Variants in GMDS observed in about 807,000 individuals in gnomAD.
The protein encoded by GMDS is GDP-mannose 4,6 dehydratase.
In GMDS, 20 loss-of-function variants were observed where a neutral mutation model predicts 49.9. The ratio of observed to expected loss-of-function variants is 0.40; its 90% CI spans 0.28 to 0.58. The LOEUF is 0.58. Among genes scored for constraint, GMDS ranks in the 20% least tolerant of loss-of-function variants. The probability of loss-of-function intolerance (pLI) is 0.42; values close to 1 mark genes in which losing one functional copy is unlikely to be tolerated. For missense variants in GMDS, 362 were observed against 481.4 expected (o/e 0.75, Z 2.32); for synonymous variants, 177 against 178.6 (o/e 0.99, Z 0.07).
At chr6:2,142,655 T>C in intron 1 of GMDS, among the ~76,000 whole-genome samples, 1 of 152,110 alleles carries the variant, frequency 6.6e-6, no homozygotes, top group East Asian at 1.9e-4. Context: ...AGACAATAAG[T>C]TTCAGTTGCT....
chr6:1,789,614 C>G (rs1468588357), intron 7 of GMDS, among the ~76,000 whole-genome samples: 2 of 150,948 alleles, frequency 1.3e-5, no homozygotes, highest in African/African-American at 4.9e-5. Flanking sequence ...CGGCTCCCTG[C>G]AGTCTCGACC....
chr6:2,134,193 G>T (rs1024483730), intron 1 of GMDS, among the ~76,000 whole-genome samples: 1 of 152,168 alleles, frequency 6.6e-6, no homozygotes, highest in African/African-American at 2.4e-5. Flanking sequence ...AAATAAAGGG[G>T]ATAAAATGAA....
At chr6:2,177,921 G>A (rs959959422) in intron 1 of GMDS, among the ~76,000 whole-genome samples, 2 of 152,168 alleles carry the variant, frequency 1.3e-5, no homozygotes, top group African/African-American at 4.8e-5. Flanking sequence ...TAAAGAAAAC[G>A]TGGTATCTAT....
intron 7 of GMDS, among the ~76,000 whole-genome samples, chr6:1,877,643 T>TCAAA (rs776232284): frequency 9.6e-5 from 5 of 51,828 alleles, no homozygotes; most frequent in East Asian, 4.8e-4. Flanking sequence ...ATCTCAAAAA[T>TCAAA]TAAAAAAAAA....
intron 7 of GMDS, among the ~76,000 whole-genome samples, chr6:1,910,878 C>G (rs1450743290): frequency 6.6e-6 from 1 of 152,186 alleles, no homozygotes; most frequent in African/African-American, 2.4e-5. Context: ...TAAGCATTGA[C>G]TTTTTAAACA....
rs1768918340 is a variant in GMDS at position 1,778,173 on chromosome 6, A to C, written c.772-35587T>G. ...GGATCGAGTTAGACTGGCCTTCTCA[A>C]CACCTCACGAAAAGCGCCCTTGGGT... On this transcript the variant is annotated intron_variant, in intron 7 of 10. Transcript: ENST00000380815. The surrounding 1 kb of genome is among the most constrained non-coding windows in gnomAD (Gnocchi z 4.6). Among the ~76,000 whole-genome samples the C allele has an allele frequency of 6.6e-6, 1 of 152,186 alleles. No homozygotes were observed. The highest frequency in any genetic ancestry group is 2.4e-5 in the African/African-American group (1 of 41,432).
At chr6:1,915,955 T>G (rs1761364306) in intron 7 of GMDS, among the ~76,000 whole-genome samples, 1 of 152,180 alleles carries the variant, frequency 6.6e-6, no homozygotes, top group Non-Finnish European at 1.5e-5. Flanking sequence ...GAGCTGTTCA[T>G]AAAGAAAGGG....
rs576086231 is a variant in GMDS at position 1,683,359 on chromosome 6, G to A, written c.987+43057C>T. 1.2e-4 allele frequency among the ~76,000 whole-genome samples: 18 copies of A among 152,296 alleles called. No homozygotes were observed. The South Asian group carries it at 1.7e-3, about 14-fold the overall frequency. ...AGGATGGTCTCCATCTCCTGACCTC[G>A]TGATTTGTCCGCCTCGGCCTCCCAA... On this transcript the variant is annotated intron_variant, in intron 9 of 10. Coordinates refer to ENST00000380815, the MANE Select transcript of GMDS (RefSeq NM_001500.4).
At chr6:1,731,911 A>G (rs111563447) in intron 8 of GMDS, among the ~76,000 whole-genome samples, 267 of 152,308 alleles carry the variant, frequency 1.8e-3, no homozygotes, top group African/African-American at 6.3e-3. Context: ...GAGCCTAGAG[A>G]GGTGATTTGC....
intron 7 of GMDS, among the ~76,000 whole-genome samples, chr6:1,788,160 A>G (rs900255631): frequency 2.6e-5 from 4 of 152,192 alleles, no homozygotes; most frequent in Non-Finnish European, 4.4e-5. Context: ...GTCACAAGTA[A>G]GGGAGACAGA....
At position 1,928,440 on chromosome 6, in the gene GMDS, A is replaced by T. The variant is rs116772323; in HGVS notation, c.771+1663T>A. On this transcript the variant is annotated intron_variant, in intron 7 of 10. Coordinates refer to ENST00000380815, the MANE Select transcript of GMDS (RefSeq NM_001500.4). ...ATGCTGATGGCTAGAAGGCTAAACA[A>T]TAAATAGATATTATTGAGAAAATAA... 7.2e-3 allele frequency among the ~76,000 whole-genome samples: 1,102 copies of T among 152,244 alleles called. 11 individuals carry two copies. Among genetic ancestry groups the T allele is most frequent in the African/African-American group, 0.025 (1,055 of 41,530 alleles).
At chr6:2,240,280 T>C (rs1430117721) in intron 1 of GMDS, among the ~76,000 whole-genome samples, 1 of 152,228 alleles carries the variant, frequency 6.6e-6, no homozygotes, top group Non-Finnish European at 1.5e-5. Context: ...CAACTTCCTT[T>C]CCTAAAAGTC....
intron 4 of GMDS, among the ~76,000 whole-genome samples, chr6:2,085,121 ATCCT>A (rs1165087360): frequency 6.6e-6 from 1 of 152,104 alleles, no homozygotes; most frequent in African/African-American, 2.4e-5. Flanking sequence ...ATGTCATGAG[ATCCT>A]TAAGTTTATG....
chr6:2,122,466 T>G (rs143018553), intron 2 of GMDS, among the ~76,000 whole-genome samples: 317 of 152,318 alleles, frequency 2.1e-3, no homozygotes, highest in African/African-American at 7.4e-3. Flanking sequence ...TCTCTCATCC[T>G]ACTTCATGCA....
At chr6:1,652,382 T>A (rs769079024) in intron 9 of GMDS, among the ~76,000 whole-genome samples, 2,075 of 8,660 alleles carry the variant, frequency 0.24, 299 homozygotes, top group South Asian at 0.44. Context: ...AAAAAAAAAA[T>A]ATATATATAT....
intron 8 of GMDS, among the ~76,000 whole-genome samples, chr6:1,733,906 G>A (rs1258499620): frequency 6.6e-6 from 1 of 151,824 alleles, no homozygotes; most frequent in Non-Finnish European, 1.5e-5. Flanking sequence ...GGCAGCCTGA[G>A]CCTCTTGAGC....
At chr6:2,171,685 G>T (rs1778013178) in intron 1 of GMDS, among the ~76,000 whole-genome samples, 1 of 152,114 alleles carries the variant, frequency 6.6e-6, no homozygotes, top group East Asian at 1.9e-4. Context: ...TCATCCTAAG[G>T]ACTCAGAAAT....
chr6:2,237,544 CAA>C (rs1314631699), intron 1 of GMDS, among the ~76,000 whole-genome samples: 1 of 112,188 alleles, frequency 8.9e-6, no homozygotes, highest in South Asian at 2.9e-4. Flanking sequence ...TTTTTTGAGA[CAA>C]AGTCTCGCTC....
intron 6 of GMDS, among the ~76,000 whole-genome samples, chr6:1,948,537 G>A (rs1408111211): frequency 1.3e-5 from 2 of 151,914 alleles, no homozygotes; most frequent in Non-Finnish European, 2.9e-5. Flanking sequence ...TACACCTGTC[G>A]ACCCAGCTGC....
Sources: allele counts gnomAD v4.1 joint callset (sites outside exome capture counted in the v4.1 genomes callset), GRCh38; gene constraint gnomAD v4.1.1; non-coding constraint Gnocchi (gnomAD v3.1); transcripts MANE v1.5; gene names NCBI Gene and HGNC (gene_info 2026-07-23, HGNC 2026-07-21).